DOCK3: variants seen among roughly 807,000 people sequenced by gnomAD.
The protein encoded by DOCK3 is dedicator of cytokinesis protein 3.
In DOCK3, 60 loss-of-function variants were observed where a neutral mutation model predicts 265.6. That is an observed-to-expected ratio of 0.23 (90% CI 0.18 to 0.28). DOCK3 has a LOEUF of 0.28. DOCK3 is among the 10% of genes least tolerant of loss of function. The pLI is 1.00. For synonymous variants in DOCK3, 881 were observed against 938.0 expected, an observed-to-expected ratio of 0.94 and a Z score of 1.11; for missense variants, 1,981 against 2,594.3, an observed-to-expected ratio of 0.76 and a Z score of 5.14.
chr3:50,724,529 AT>A (rs1360402977), intron 1 of DOCK3, among the ~76,000 whole-genome samples: 3 of 152,212 alleles, frequency 2.0e-5, no homozygotes, highest in Admixed American at 6.5e-5. Flanking sequence ...GGATGAGTTA[AT>A]GTCCTTTGCA....
In DOCK3 at chr3:51,333,141, C is replaced by A. The variant is rs2084638932; in HGVS notation, c.3516-17C>A. Reference sequence around the variant, plus strand: ...GCTCATGAATTGTGTTTGCTTTCTCCACCCCTCCACCAATAGCCTGCTGGA... The same window carrying A: ...GCTCATGAATTGTGTTTGCTTTCTCAACCCCTCCACCAATAGCCTGCTGGA... On this transcript the variant is annotated splice_polypyrimidine_tract_variant and intron_variant, in intron 34 of 52. Coordinates refer to ENST00000266037, the MANE Select transcript of DOCK3 (RefSeq NM_004947.5). The A allele has an allele frequency of 4.3e-6, 7 of 1,613,942 alleles. No homozygotes were observed. In the East Asian group the frequency reaches 1.1e-4, roughly 26 times the overall value.
At chr3:51,143,348 T>C (rs4289378) in intron 9 of DOCK3, among the ~76,000 whole-genome samples, 140,479 of 150,928 alleles carry the variant, frequency 0.93, 65,453 homozygotes, top group African/African-American at 0.96. Context: ...AGGCCCACTG[T>C]AGCCTCCGCC....
intron 1 of DOCK3, among the ~76,000 whole-genome samples, chr3:50,727,975 A>T (rs2037937364): frequency 6.6e-6 from 1 of 152,196 alleles, no homozygotes; most frequent in Non-Finnish European, 1.5e-5. Flanking sequence ...CAAAATTGAA[A>T]TTTTAGATCA....
chr3:51,314,890 A>G (rs1286964666), intron 31 of DOCK3, 90 bp from the exon 32 acceptor site: 1 of 1,389,454 alleles, frequency 7.2e-7, no homozygotes, highest in Non-Finnish European at 9.5e-7. Flanking sequence ...AGCTTCCAGT[A>G]TGGATTGTAG....
At chr3:51,147,605 C>T (rs1385177677) in intron 10 of DOCK3, among the ~76,000 whole-genome samples, 9 of 152,130 alleles carry the variant, frequency 5.9e-5, no homozygotes, top group Non-Finnish European at 1.3e-4. Context: ...GTTTTCTGTC[C>T]TTGTGATAGT....
chr3:50,961,540 G>C (rs34836308), intron 5 of DOCK3, among the ~76,000 whole-genome samples: 14,459 of 152,166 alleles, frequency 0.095, 858 homozygotes, highest in Non-Finnish European at 0.12. Flanking sequence ...AGAGGAAGAA[G>C]AAATTCAAAG....
At chr3:51,365,277 G>T (rs1258261972) in intron 49 of DOCK3, among the ~76,000 whole-genome samples, 1 of 152,072 alleles carries the variant, frequency 6.6e-6, no homozygotes, top group East Asian at 1.9e-4. Flanking sequence ...TCCTGATTTG[G>T]CTCTATGTTT....
intron 24 of DOCK3, among the ~76,000 whole-genome samples, chr3:51,273,898 A>T (rs2080656933): frequency 6.6e-6 from 1 of 152,212 alleles, no homozygotes; most frequent in Non-Finnish European, 1.5e-5. Context: ...GGTGCCAGAA[A>T]CGCATTCACA....
At chr3:51,364,441 C>CGTAG (rs1484194075) in intron 49 of DOCK3, among the ~76,000 whole-genome samples, 8 of 152,064 alleles carry the variant, frequency 5.3e-5, no homozygotes, top group Non-Finnish European at 1.2e-4. Context: ...TGTAGGTTGC[C>CGTAG]TTTTCACTCT....
At chr3:50,822,416 G>T (rs1266147250) in intron 2 of DOCK3, among the ~76,000 whole-genome samples, 1 of 152,046 alleles carries the variant, frequency 6.6e-6, no homozygotes, top group East Asian at 1.9e-4. Flanking sequence ...ACAGAGTCTA[G>T]GATTTTCTAG....
At chr3:51,264,556 G>T (rs1170299233) in intron 23 of DOCK3, among the ~76,000 whole-genome samples, 4 of 151,988 alleles carry the variant, frequency 2.6e-5, no homozygotes, top group Non-Finnish European at 5.9e-5. Flanking sequence ...AGCCGGGCTT[G>T]GTGGCTCACA....
chr3:50,919,311 T>A (rs2050302922), intron 4 of DOCK3, among the ~76,000 whole-genome samples: 1 of 152,202 alleles, frequency 6.6e-6, no homozygotes, highest in South Asian at 2.1e-4. Flanking sequence ...GGTAGCTTGA[T>A]GGGGATAGCA....
chr3:51,359,766 A>G lies in DOCK3; in HGVS notation c.4885-745A>G, dbSNP rs879409498. Among the ~76,000 whole-genome samples the G allele has an allele frequency of 2.6e-5, 4 of 152,228 alleles. No individual in the cohort carries two copies. Among genetic ancestry groups the G allele is most frequent in the African/African-American group, 7.2e-5 (3 of 41,452 alleles). ...TGTATGCTTTGGAAGAAGCAGGTGG[A>G]AAACCCGGTGCTTCTTCACACCAAG... On this transcript the variant is annotated intron_variant, in intron 46 of 52. Coordinates refer to ENST00000266037, the MANE Select transcript of DOCK3 (RefSeq NM_004947.5). This position sits in a 1 kb window ranked among gnomAD's most constrained non-coding sequence, Gnocchi z 4.8.
chr3:51,010,528 G>T (rs1276483501), intron 5 of DOCK3, among the ~76,000 whole-genome samples: 2 of 152,000 alleles, frequency 1.3e-5, no homozygotes, highest in African/African-American at 4.8e-5. Context: ...CACATGAGAT[G>T]GGTCTCCTGA....
chr3:50,746,676 G>T (rs1342966727), intron 1 of DOCK3, among the ~76,000 whole-genome samples: 3 of 152,122 alleles, frequency 2.0e-5, no homozygotes, highest in Non-Finnish European at 4.4e-5. Context: ...ATCTGCTTAT[G>T]GTGAGGGCCT....
At chr3:51,312,756 G>A (rs1281836463) in intron 30 of DOCK3, 88 bp from the exon 31 acceptor site, 1 of 1,402,290 alleles carries the variant, frequency 7.1e-7, no homozygotes, top group South Asian at 1.3e-5. Context: ...GAAACAAACA[G>A]TGCTGAAGTC....
intron 5 of DOCK3, among the ~76,000 whole-genome samples, chr3:50,934,565 A>C (rs1231879829): frequency 6.6e-6 from 1 of 152,138 alleles, no homozygotes; most frequent in Non-Finnish European, 1.5e-5. Flanking sequence ...GATGGCTCAC[A>C]CCTGTAATCC....
chr3:51,196,580 AT>A (rs1159700520), intron 12 of DOCK3, among the ~76,000 whole-genome samples: 1 of 152,064 alleles, frequency 6.6e-6, no homozygotes, highest in Non-Finnish European at 1.5e-5. Context: ...AGTCTTTTTT[AT>A]TCCTTTTTCT....
At chr3:50,787,116 A>C (rs1401753550) in intron 2 of DOCK3, 6 of 702,428 alleles carry the variant, frequency 8.5e-6, no homozygotes, top group Non-Finnish European at 1.6e-5. Context: ...ACAGGCAACA[A>C]ACTAAATGTT....
Sources: allele counts gnomAD v4.1 joint callset (sites outside exome capture counted in the v4.1 genomes callset), GRCh38; gene constraint gnomAD v4.1.1; non-coding constraint Gnocchi (gnomAD v3.1); transcripts MANE v1.5; gene names NCBI Gene and HGNC (gene_info 2026-07-23, HGNC 2026-07-21).